NCKAP1L: variants seen among roughly 807,000 people sequenced by gnomAD.
The protein encoded by NCKAP1L is NCK associated protein 1 like, also known as nck-associated protein 1-like.
NCKAP1L carries 53 observed loss-of-function variants against 139.2 expected under a neutral mutation model. That is an observed-to-expected ratio of 0.38 (90% CI 0.31 to 0.48). NCKAP1L has a LOEUF of 0.48. NCKAP1L is among the 20% of genes least tolerant of loss of function. NCKAP1L has a pLI of 0.98. For missense variants in NCKAP1L, 1,151 were observed against 1,381.9 expected, an observed-to-expected ratio of 0.83 and a Z score of 2.65; for synonymous variants, 468 against 499.7, an observed-to-expected ratio of 0.94 and a Z score of 0.85.
intron 18 of NCKAP1L, among the ~76,000 whole-genome samples, chr12:54,522,554 A>G (rs1956992497): frequency 6.6e-6 from 1 of 152,266 alleles, no homozygotes; most frequent in Non-Finnish European, 1.5e-5. Flanking sequence ...CTACAGACAC[A>G]TAATCTTTTG....
At chr12:54,510,403 A>C in intron 7 of NCKAP1L, 2 of 406,820 alleles carry the variant, frequency 4.9e-6, no homozygotes, top group South Asian at 1.8e-5. Flanking sequence ...TGCTTACTGC[A>C]GCCTCCACCT....
chr12:54,499,114 C>T (rs1376541824), intron 1 of NCKAP1L, among the ~76,000 whole-genome samples: 2 of 151,836 alleles, frequency 1.3e-5, no homozygotes, highest in Non-Finnish European at 2.9e-5. Flanking sequence ...TTAGTAGAGA[C>T]GGGGTTTCAC....
chr12:54,540,866 T>G (rs1050535921), intron 30 of NCKAP1L, among the ~76,000 whole-genome samples: 1 of 152,220 alleles, frequency 6.6e-6, no homozygotes, highest in Non-Finnish European at 1.5e-5. Context: ...AGAGCTAGGA[T>G]CAGGTACTTT....
Position 54,523,962 on chromosome 12 carries a change from A to G in NCKAP1L, c.2156+6A>G. ...CTGGAGGCCAGACTCAACAGGTATCACTCTTTCCTTGTCCTCTGTTTGGAC... is the reference window on the plus strand; with the variant it reads ...CTGGAGGCCAGACTCAACAGGTATCGCTCTTTCCTTGTCCTCTGTTTGGAC... On this transcript the variant is annotated splice_donor_region_variant and intron_variant, in intron 20 of 30. Coordinates refer to ENST00000293373, the MANE Select transcript of NCKAP1L (RefSeq NM_005337.5). 1.2e-6 allele frequency: 2 copies of G among 1,612,582 alleles called. No individual in the cohort carries two copies. The highest frequency in any genetic ancestry group is 1.7e-5 in the Admixed American group (1 of 59,944).
chr12:54,501,471 A>T (rs1162290843), intron 3 of NCKAP1L, among the ~76,000 whole-genome samples: 1 of 151,888 alleles, frequency 6.6e-6, no homozygotes, highest in African/African-American at 2.4e-5. Flanking sequence ...ATAAACATGA[A>T]AGTGGAAATG....
At position 54,531,810 on chromosome 12, in the gene NCKAP1L, A is replaced by G. The variant is rs778833768; in HGVS notation, c.2766A>G (p.Gln922=). 6 of 1,611,658 alleles carry G rather than the reference A, an allele frequency of 3.7e-6. No individual in the cohort carries two copies. Among genetic ancestry groups the G allele is most frequent in the Non-Finnish European group, 3.4e-6 (4 of 1,177,880 alleles). Residue 922 remains glutamine (Q), a synonymous_variant, in exon 25 of 31, where the codon CAA becomes CAG. Coordinates refer to ENST00000293373, the MANE Select transcript of NCKAP1L (RefSeq NM_005337.5). ...TCCTCAGTTTCAGGGCCATGGCCCAAGAGGGACTTCGGGAGGTGAGTTGGT... is the reference window on the plus strand; with the variant it reads ...TCCTCAGTTTCAGGGCCATGGCCCAGGAGGGACTTCGGGAGGTGAGTTGGT... ...GVILSFRAMA[Q]EGLREVFSSH...
chr12:54,528,200 G>A, intron 21 of NCKAP1L, 47 bp from the exon 22 acceptor site: 5 of 1,600,028 alleles, frequency 3.1e-6, no homozygotes, highest in Non-Finnish European at 4.3e-6. Flanking sequence ...TGCTGGTAGG[G>A]AGAAGGGATT....
At chr12:54,525,713 G>A (rs538640137) in intron 20 of NCKAP1L, among the ~76,000 whole-genome samples, 5 of 152,186 alleles carry the variant, frequency 3.3e-5, no homozygotes, top group African/African-American at 1.2e-4. Context: ...CATTTGTGGA[G>A]CAGACCAGCC....
At position 54,497,885 on chromosome 12, in the gene NCKAP1L, C is replaced by T; in HGVS notation, c.96C>T (p.Ile32=). ...GQGVLIRMYN[I]KKTCSDPKSK... is the part of the protein sequence containing the mutation. ...GGGTTCTCATCCGTATGTATAACATCAAGAAGGTAAGCATGAACAATGGGA... is the reference window on the plus strand; with the variant it reads ...GGGTTCTCATCCGTATGTATAACATTAAGAAGGTAAGCATGAACAATGGGA... The change falls in exon 1 of 31, where the codon ATC becomes ATT. Residue 32 remains isoleucine, a synonymous_variant. Coordinates refer to ENST00000293373, the MANE Select transcript of NCKAP1L (RefSeq NM_005337.5). 6.3e-7 allele frequency: 1 copy of T among 1,593,454 alleles called. No individual in the cohort carries two copies. The highest frequency in any genetic ancestry group is 8.6e-7 in the Non-Finnish European group (1 of 1,161,166).
At position 54,521,139 on chromosome 12, in the gene NCKAP1L, T is replaced by C. The variant is rs572957388; in HGVS notation, c.1779T>C (p.His593=). 6.2e-7 allele frequency: 1 copy of C among 1,614,096 alleles called. No individual in the cohort carries two copies. Among genetic ancestry groups the C allele is most frequent in the South Asian group, 1.1e-5 (1 of 91,088 alleles). Residue 593 remains histidine (H), a synonymous_variant, in exon 18 of 31, where the codon CAT becomes CAC. Transcript: ENST00000293373. ...CATAGTACCCCCACCTCAAGAACCATGGTCTTCACCACTGCAACTCCTTCC... is the reference window on the plus strand; with the variant it reads ...CATAGTACCCCCACCTCAAGAACCACGGTCTTCACCACTGCAACTCCTTCC... ...CPEEYPHLKN[H]GLHHCNSFLE...
chr12:54,542,534 C>T lies in NCKAP1L; in HGVS notation c.3274-41C>T, dbSNP rs369657686. On this transcript the variant is annotated intron_variant, in intron 30 of 30. Transcript: ENST00000293373. The stretch of plus-strand genomic sequence containing the variant: ...AGGAACAGGGTATCACAGACAAATG[C>T]CCTACCTGAGGTTCTCATCTCTTGG... 1.2e-5 allele frequency: 18 copies of T among 1,445,614 alleles called. No individual in the cohort carries two copies. In the Admixed American group the frequency reaches 3.0e-4, roughly 24 times the overall value. The allele number at this position is 1,445,614 out of a possible 1,614,324, so 89.5% of individuals were successfully genotyped here. A position where few individuals can be genotyped will look rare whatever the true frequency, so the allele number is the denominator to read the frequency against.
Position 54,517,552 on chromosome 12 carries a change from C to G in NCKAP1L, c.1115C>G (p.Ala372Gly). The part of the protein sequence containing the change: ...LGPKALFAFM[A>G]LSFIRDEVTW... ...CCATAGGCTCTTTTTGCTTTCATGGCCCTGTCCTTCATTCGTGATGAGGTC... is the reference window on the plus strand; with the variant it reads ...CCATAGGCTCTTTTTGCTTTCATGGGCCTGTCCTTCATTCGTGATGAGGTC... The change falls in exon 12 of 31, where the codon GCC becomes GGC. Residue 372 changes from alanine to glycine, a missense_variant. By Grantham distance (60) the Ala-to-Gly change is moderately conservative. Transcript: ENST00000293373. 1 of 1,613,968 alleles carries G rather than the reference C, an allele frequency of 6.2e-7. No individual in the cohort carries two copies. The highest frequency in any genetic ancestry group is 1.3e-5 in the African/African-American group (1 of 75,016).
chr12:54,520,795 T>A lies in NCKAP1L; in HGVS notation c.1727T>A (p.Val576Asp), dbSNP rs1257806772. ...TTCCCCCTGATTTGTGCTCACTTTG[T>A]CCACTGCACTCATGAGATGTGCCCA... is the stretch of plus-strand genomic sequence containing the variant. ...IAFPLICAHF[V>D]HCTHEMCPEE... is the part of the protein sequence containing the mutation. The change falls in exon 17 of 31, where the codon GTC becomes GAC. Residue 576 changes from valine to aspartate, a missense_variant. Val to Asp is a radical substitution (Grantham distance 152). Transcript: ENST00000293373. The A allele has an allele frequency of 6.2e-7, 1 of 1,614,134 alleles. No individual in the cohort carries two copies. The highest frequency in any genetic ancestry group is 1.6e-4 in the Middle Eastern group (1 of 6,062).
chr12:54,509,012 C>T (rs1056114657), intron 5 of NCKAP1L, among the ~76,000 whole-genome samples: 1 of 152,170 alleles, frequency 6.6e-6, no homozygotes. Flanking sequence ...GGCTTCTACT[C>T]TGATTTTCAG....
At position 54,526,598 on chromosome 12, in the gene NCKAP1L, G is replaced by A. The variant is rs1957028037; in HGVS notation, c.2227G>A (p.Gly743Arg). The change falls in exon 21 of 31, where the codon GGA becomes AGA. Residue 743 changes from glycine to arginine, a missense_variant. Physicochemically the swap from Gly to Arg is moderately radical, Grantham distance 125. Coordinates refer to ENST00000293373, the MANE Select transcript of NCKAP1L (RefSeq NM_005337.5). ...EIVRPSELLA[G>R]VKAYIGFIQS... ...CGTACGGCCTTCTGAGCTGTTGGCA[G>A]GAGTCAAAGCATACATTGGTTTCAT... 1.2e-6 allele frequency: 2 copies of A among 1,613,996 alleles called. No individual in the cohort carries two copies. The highest frequency in any genetic ancestry group is 3.3e-5 in the Admixed American group (2 of 59,994).
At chr12:54,536,748 C>T (rs1425529336) in intron 28 of NCKAP1L, among the ~76,000 whole-genome samples, 196 bp from the exon 29 acceptor site, 11 of 150,232 alleles carry the variant, frequency 7.3e-5, no homozygotes, top group Non-Finnish European at 1.2e-4. Context: ...AGAGAATGAA[C>T]TATGCATAAT....
intron 9 of NCKAP1L, among the ~76,000 whole-genome samples, chr12:54,514,278 C>G (rs1763916122): frequency 6.6e-6 from 1 of 151,762 alleles, no homozygotes; most frequent in African/African-American, 2.4e-5. Context: ...CTGTAATGAA[C>G]ATTCTTAGGC....
At chr12:54,535,290 G>T in intron 27 of NCKAP1L, 93 bp downstream of exon 27, 1 of 938,028 alleles carries the variant, frequency 1.1e-6, no homozygotes, top group South Asian at 1.5e-5. Flanking sequence ...GCCTTTATTT[G>T]AGATTATATA....
chr12:54,506,631 G>C (rs988647886), intron 3 of NCKAP1L, among the ~76,000 whole-genome samples: 3 of 146,166 alleles, frequency 2.1e-5, no homozygotes, highest in Non-Finnish European at 4.5e-5. Context: ...ATGGGGTTTT[G>C]TCATGTTGGC....
Sources: gnomAD v4.1 joint callset for allele counts (sites outside exome capture counted in the v4.1 genomes callset) on GRCh38, gnomAD v4.1.1 for gene constraint, MANE v1.5 for transcripts, NCBI Gene and HGNC (gene_info 2026-07-23, HGNC 2026-07-21) for gene names.